The following SNRPD2 variants were observed in gnomAD, a reference collection of about 807,000 sequenced individuals.
SNRPD2 encodes the protein small nuclear ribonucleoprotein Sm D2.
In SNRPD2, 1 loss-of-function variant was observed where a neutral mutation model predicts 11.5. That is an observed-to-expected ratio of 0.09 (90% CI 0.03 to 0.41). The LOEUF (loss-of-function observed/expected upper bound fraction) is 0.41, where lower values mean the gene tolerates loss of function less well. SNRPD2 is among the 10% of genes least tolerant of loss of function. The probability of loss-of-function intolerance (pLI) is 0.98; values close to 1 mark genes in which losing one functional copy is unlikely to be tolerated. For missense variants in SNRPD2, 77 were observed against 154.9 expected (o/e 0.50, Z 2.67); for synonymous variants, 63 against 61.5 (o/e 1.02, Z -0.12).
upstream of SNRPD2, chr19:45,692,110 AC>A: frequency 8.8e-7 from 1 of 1,141,904 alleles, no homozygotes; most frequent in Non-Finnish European, 1.2e-6. Flanking sequence ...TCAGAACCAC[AC>A]GGGGGCAGAT....
intron 1 of SNRPD2, chr19:45,689,241 A>G (rs1443008369): frequency 1.9e-6 from 1 of 520,160 alleles, no homozygotes; most frequent in Non-Finnish European, 3.8e-6. Context: ...ACCATGGCCT[A>G]AGCCTCTGTC....
intron 1 of SNRPD2, chr19:45,689,475 C>T (rs139916044): frequency 4.9e-5 from 13 of 267,514 alleles, no homozygotes; most frequent in South Asian, 4.1e-4. Flanking sequence ...CGAGACCAGC[C>T]TGGCCAACAT....
chr19:45,687,928 G>A lies in SNRPD2; in HGVS notation c.183-201C>T, dbSNP rs1253165091. Among the ~76,000 whole-genome samples the A allele has an allele frequency of 6.6e-6, 1 of 152,212 alleles. No individual in the cohort carries two copies. On this transcript the variant is annotated intron_variant, in intron 2 of 2. Coordinates refer to ENST00000342669, the MANE Select transcript of SNRPD2 (RefSeq NM_001384647.1). The surrounding 1 kb of genome is among the most constrained non-coding windows in gnomAD (Gnocchi z 4.1). ...CAAAGGACTGCACCTCTCTGTGCCA[G>A]TTTGCTCCTTTTTAAGAGGGAAGAT...
At chr19:45,691,670 C>T in intron 1 of SNRPD2, 1 of 654,496 alleles carries the variant, frequency 1.5e-6, no homozygotes, top group Non-Finnish European at 2.8e-6. Context: ...CGCGCCCAGC[C>T]CAGGGCGTTA....
At position 45,687,803 on chromosome 19, in the gene SNRPD2, C is replaced by A; in HGVS notation, c.183-76G>T. 3 of 1,219,608 alleles carry A rather than the reference C, an allele frequency of 2.5e-6. No homozygotes were observed. In the South Asian group the frequency reaches 3.8e-5, roughly 15 times the overall value. 75.5% of individuals were successfully genotyped at this position (1,219,608 alleles called of 1,614,324 possible). On this transcript the variant is annotated intron_variant, in intron 2 of 2. Transcript: ENST00000342669. The surrounding 1 kb of genome is among the most constrained non-coding windows in gnomAD (Gnocchi z 4.1). ...ACAGTGCCCCCTACTGCCTGCTGCT[C>A]GCCCCCTCCAGCAGCATGGCTTGGG...
Position 45,688,307 on chromosome 19 carries a change from C to A in SNRPD2, c.182+80G>T. ...CATACACCCCAGGCTTCTGAGACAGCTGTCTTTGAGCTCTTCAGACTGGAG... is the reference window on the plus strand; with the variant it reads ...CATACACCCCAGGCTTCTGAGACAGATGTCTTTGAGCTCTTCAGACTGGAG... On this transcript the variant is annotated intron_variant, in intron 2 of 2. Coordinates refer to ENST00000342669, the MANE Select transcript of SNRPD2 (RefSeq NM_001384647.1). The surrounding 1 kb of genome is among the most constrained non-coding windows in gnomAD (Gnocchi z 4.1). The A allele has an allele frequency of 7.9e-7, 1 of 1,259,506 alleles. No homozygotes were observed. The highest frequency in any genetic ancestry group is 1.5e-5 in the African/African-American group (1 of 67,104). 78.0% of individuals were successfully genotyped at this position (1,259,506 alleles called of 1,614,324 possible).
upstream of SNRPD2, chr19:45,692,134 G>T: frequency 1.1e-6 from 1 of 900,384 alleles, no homozygotes; most frequent in East Asian, 2.8e-5. Context: ...TTATGACAAT[G>T]AAGACAAAAG....
chr19:45,691,656 C>T, intron 1 of SNRPD2: 1 of 597,648 alleles, frequency 1.7e-6, no homozygotes, highest in Non-Finnish European at 3.0e-6. Flanking sequence ...CAGGAATGAG[C>T]CCCCGCGCCC....
chr19:45,691,824 C>G, intron 1 of SNRPD2, 63 bp downstream of exon 1: 1 of 1,604,094 alleles, frequency 6.2e-7, no homozygotes, highest in South Asian at 1.1e-5. Context: ...CCTTCCCACA[C>G]TCAATCGGTC....
chr19:45,689,074 C>G (rs1171358714), intron 1 of SNRPD2, among the ~76,000 whole-genome samples: 1 of 151,268 alleles, frequency 6.6e-6, no homozygotes. Flanking sequence ...GGATCCAGAT[C>G]ACCCAACCAC....
At position 45,687,803 on chromosome 19, in the gene SNRPD2, C is replaced by G. The variant is rs183639241; in HGVS notation, c.183-76G>C. 7 of 1,219,494 alleles carry G rather than the reference C, an allele frequency of 5.7e-6. No individual in the cohort carries two copies. Among genetic ancestry groups the G allele is most frequent in the African/African-American group, 1.5e-5 (1 of 67,454 alleles). The allele number at this position is 1,219,494 out of a possible 1,614,324, so 75.5% of individuals were successfully genotyped here. ...ACAGTGCCCCCTACTGCCTGCTGCT[C>G]GCCCCCTCCAGCAGCATGGCTTGGG... On this transcript the variant is annotated intron_variant, in intron 2 of 2. Coordinates refer to ENST00000342669, the MANE Select transcript of SNRPD2 (RefSeq NM_001384647.1). This position sits in a 1 kb window ranked among gnomAD's most constrained non-coding sequence, Gnocchi z 4.1.
At chr19:45,692,242 G>C, upstream of SNRPD2, 1 of 388,958 alleles carries the variant, frequency 2.6e-6, no homozygotes, top group Admixed American at 3.9e-5. Context: ...CGTGACTTCG[G>C]GGGCGCGGCC....
upstream of SNRPD2, chr19:45,692,013 A>T: frequency 1.2e-6 from 2 of 1,607,156 alleles, no homozygotes; most frequent in Non-Finnish European, 1.7e-6. Flanking sequence ...CCAACCAGTA[A>T]GTGGAGGCGT....
At position 45,688,511 on chromosome 19, in the gene SNRPD2, C is replaced by T. The variant is rs1471988229; in HGVS notation, c.58G>A (p.Glu20Lys). 1 of 1,614,158 alleles carries T rather than the reference C, an allele frequency of 6.2e-7. No homozygotes were observed. The highest frequency in any genetic ancestry group is 8.5e-7 in the Non-Finnish European group (1 of 1,180,010). ...GGACCGGTGTTAAATTCCTCCTCCT[C>T]TCGCTTCTGCAGCTCCTCTGGGGTC... The part of the protein sequence containing the change: ...EMTPEELQKR[E>K]EEEFNTGPLS... The change falls in exon 2 of 3, where the codon GAG becomes AAG. Residue 20 changes from glutamate to lysine, a missense_variant. By Grantham distance (56) the Glu-to-Lys change is moderately conservative. Transcript: ENST00000342669. This position sits in a 1 kb window ranked among gnomAD's most constrained non-coding sequence, Gnocchi z 4.1.
upstream of SNRPD2, chr19:45,692,063 G>A (rs533309059): frequency 6.5e-7 from 1 of 1,542,938 alleles, no homozygotes; most frequent in South Asian, 1.2e-5. Context: ...GGTGCACAAT[G>A]ATGGAATAAA....
In SNRPD2 at chr19:45,691,946, A is replaced by G; in HGVS notation, c.-58T>C. ...TCCTCCGCGTTGCTGCTGCCTGAGG[A>G]GAGAGAGGCGGGACTTCCTCTTCCT... On this transcript the variant is annotated 5_prime_UTR_variant, in exon 1 of 3. Transcript: ENST00000342669. 1 of 1,613,848 alleles carries G rather than the reference A, an allele frequency of 6.2e-7. No homozygotes were observed.
intron 1 of SNRPD2, among the ~76,000 whole-genome samples, chr19:45,691,124 GT>G (rs910171219): frequency 1.3e-5 from 2 of 151,944 alleles, no homozygotes; most frequent in African/African-American, 4.8e-5. Context: ...CCCATTATTC[GT>G]TTTATTTCTT....
chr19:45,691,934 T>C lies in SNRPD2; in HGVS notation c.-46A>G, dbSNP rs773733371. 6 of 1,613,984 alleles carry C rather than the reference T, an allele frequency of 3.7e-6. No homozygotes were observed. The highest frequency in any genetic ancestry group is 2.2e-5 in the East Asian group (1 of 44,898). The stretch of plus-strand genomic sequence containing the variant: ...TTCACTCCCGTTTCCTCCGCGTTGC[T>C]GCTGCCTGAGGAGAGAGAGGCGGGA... On this transcript the variant is annotated 5_prime_UTR_variant, in exon 1 of 3. Coordinates refer to ENST00000342669, the MANE Select transcript of SNRPD2 (RefSeq NM_001384647.1).
chr19:45,690,853 AAGAG>A (rs1213186702), intron 1 of SNRPD2, among the ~76,000 whole-genome samples: 1 of 151,984 alleles, frequency 6.6e-6, no homozygotes, highest in East Asian at 1.9e-4. Context: ...AAAAAAGAAA[AAGAG>A]AAAAAGATTT....
Sources: allele counts gnomAD v4.1 joint callset (sites outside exome capture counted in the v4.1 genomes callset), GRCh38; gene constraint gnomAD v4.1.1; non-coding constraint Gnocchi (gnomAD v3.1); transcripts MANE v1.5; gene names NCBI Gene and HGNC (gene_info 2026-07-23, HGNC 2026-07-21).